Variants in GLB1 observed in about 807,000 individuals in gnomAD.
GLB1 encodes beta-galactosidase.
A neutral mutation model predicts 74.0 loss-of-function variants in GLB1; 56 were observed. The observed-to-expected ratio is 0.76, with a 90% confidence interval of 0.61 to 0.94. The LOEUF (loss-of-function observed/expected upper bound fraction) is 0.94, where lower values mean the gene tolerates loss of function less well. Ranked by LOEUF, GLB1 falls within the 40% of genes least tolerant of loss-of-function variation. The pLI, the probability that GLB1 is intolerant of heterozygous loss-of-function variation, is 0.00. For missense variants in GLB1, 787 were observed against 845.5 expected (o/e 0.93, Z 0.86); for synonymous variants, 323 against 323.6 (o/e 1.00, Z 0.02).
intron 9 of GLB1, among the ~76,000 whole-genome samples, chr3:33,049,450 C>T (rs1027278231): frequency 6.6e-6 from 1 of 152,044 alleles, no homozygotes; most frequent in African/African-American, 2.4e-5. Context: ...AAAGTCTCAC[C>T]CTGTCACCCA....
At chr3:33,072,460 T>C (rs757675882) in intron 2 of GLB1, 84 bp downstream of exon 2, 45 of 1,588,700 alleles carry the variant, frequency 2.8e-5, no homozygotes, top group Non-Finnish European at 3.3e-5. Context: ...AGCAATAAAA[T>C]AGCCACCCTG....
intron 15 of GLB1, among the ~76,000 whole-genome samples, chr3:33,005,483 T>C (rs1696747952): frequency 6.6e-6 from 1 of 152,214 alleles, no homozygotes; most frequent in African/African-American, 2.4e-5. Context: ...TCTATACCTC[T>C]GTCTCTCCAA....
At position 33,016,736 on chromosome 3, in the gene GLB1, G is replaced by C. The variant is rs968221254; in HGVS notation, c.1452C>G (p.Asn484Lys). 15 of 1,614,072 alleles carry C rather than the reference G, an allele frequency of 9.3e-6. No individual in the cohort carries two copies. Among genetic ancestry groups the C allele is most frequent in the African/African-American group, 1.3e-5 (1 of 75,020 alleles). ...TAAAATCGTTGATATATGCACCATA[G>C]TTCACACGTCCCATGTTCTCTACCA... ...DLLVENMGRV[N>K]YGAYINDFKG... Residue 484 changes from asparagine to lysine, a missense_variant, in exon 14 of 16, where the codon AAC becomes AAG. Coordinates refer to ENST00000307363, the MANE Select transcript of GLB1 (RefSeq NM_000404.4).
chr3:33,079,151 A>T (rs145189399), intron 1 of GLB1, among the ~76,000 whole-genome samples: 1 of 152,306 alleles, frequency 6.6e-6, no homozygotes, highest in African/African-American at 2.4e-5. Context: ...ATGGTGGAAG[A>T]AAAAATCAGA....
chr3:33,083,851 A>G (rs1182114282), intron 1 of GLB1, among the ~76,000 whole-genome samples: 1 of 152,202 alleles, frequency 6.6e-6, no homozygotes, highest in Non-Finnish European at 1.5e-5. Context: ...TTTTAAAAAA[A>G]ATTAAACATA....
chr3:33,028,693 T>A (rs1327524851), intron 10 of GLB1, among the ~76,000 whole-genome samples: 1 of 151,492 alleles, frequency 6.6e-6, no homozygotes, highest in East Asian at 1.9e-4. Flanking sequence ...GATACGGAGT[T>A]TCGCTCTTGT....
At chr3:32,968,970 TA>T in the GLB1 span, among the ~76,000 whole-genome samples, 4 of 152,340 alleles carry the variant, frequency 2.6e-5, no homozygotes, top group South Asian at 2.1e-4. Flanking sequence ...ACACTGACTT[TA>T]AAAACTGTGA....
At chr3:32,983,037 A>G in the GLB1 span, among the ~76,000 whole-genome samples, 1 of 152,112 alleles carries the variant, frequency 6.6e-6, no homozygotes. Flanking sequence ...AGATGCTTCT[A>G]TTTGTTGCTG....
the GLB1 span, among the ~76,000 whole-genome samples, chr3:32,986,425 T>C: frequency 6.6e-6 from 1 of 152,166 alleles, no homozygotes; most frequent in Admixed American, 6.5e-5. Flanking sequence ...ATTGGGCAAA[T>C]ACTTCAAAAA....
chr3:32,999,166 G>A (rs944054117), intron 15 of GLB1, among the ~76,000 whole-genome samples: 4 of 152,188 alleles, frequency 2.6e-5, no homozygotes, highest in Non-Finnish European at 4.4e-5. Context: ...GAAAGAGGAC[G>A]ACAGTTTCAC....
At chr3:33,073,414 A>T (rs933798103) in intron 1 of GLB1, among the ~76,000 whole-genome samples, 16 of 152,244 alleles carry the variant, frequency 1.1e-4, no homozygotes, top group Admixed American at 9.8e-4. Context: ...TTGTCCAGGC[A>T]TGATGGCTCA....
the GLB1 span, among the ~76,000 whole-genome samples, chr3:32,983,913 T>A: frequency 6.6e-6 from 1 of 151,784 alleles, no homozygotes; most frequent in East Asian, 1.9e-4. Context: ...TTGAACTCCA[T>A]GGCTGAAGTA....
At chr3:33,045,708 A>C (rs6780220) in intron 10 of GLB1, 184,940 of 1,075,154 alleles carry the variant, frequency 0.17, 17,601 homozygotes, top group East Asian at 0.56. Context: ...CTGCCTTAAT[A>C]GGGGCTATAG....
Position 33,018,475 on chromosome 3 carries a change from G to A in GLB1, c.1320C>T (p.His440=), listed in dbSNP as rs200390675. The part of the protein sequence containing the change: ...APLSSPLNGV[H]DRAYVAVDGI... ...CATCCACAGCAACATATGCTCGATC[G>A]TGGACTCCATTGAGGGGTGAAGAGA... The change falls in exon 13 of 16, where the codon CAC becomes CAT. Residue 440 remains histidine, a synonymous_variant. Coordinates refer to ENST00000307363, the MANE Select transcript of GLB1 (RefSeq NM_000404.4). The A allele has an allele frequency of 1.4e-5, 22 of 1,614,060 alleles. No homozygotes were observed. The highest frequency in any genetic ancestry group is 4.0e-5 in the African/African-American group (3 of 75,000).
At chr3:32,972,268 G>A in the GLB1 span, among the ~76,000 whole-genome samples, 1 of 152,192 alleles carries the variant, frequency 6.6e-6, no homozygotes, top group African/African-American at 2.4e-5. Flanking sequence ...AATGAGGAAT[G>A]TTATATATCA....
the GLB1 span, among the ~76,000 whole-genome samples, chr3:32,984,384 C>G: frequency 1.3e-5 from 2 of 152,210 alleles, no homozygotes; most frequent in Non-Finnish European, 2.9e-5. Context: ...GCTAGAGCCA[C>G]TCAGCTTAAT....
intron 3 of GLB1, 39 bp from the exon 4 acceptor site, chr3:33,068,329 G>T (rs184817230): frequency 6.2e-7 from 1 of 1,613,142 alleles, no homozygotes. Context: ...TGTCTGTTCC[G>T]TGAAGGGTGC....
chr3:32,962,668 A>ACAAT, the GLB1 span, among the ~76,000 whole-genome samples: 2 of 152,050 alleles, frequency 1.3e-5, no homozygotes, highest in African/African-American at 4.8e-5. Flanking sequence ...TTTACAAATA[A>ACAAT]CAATCAGGAG....
chr3:33,090,708 T>C, intron 1 of GLB1: 4 of 985,440 alleles, frequency 4.1e-6, no homozygotes, highest in Middle Eastern at 5.2e-4. Context: ...TGGACAGTGA[T>C]GGAGAAATTT....
Sources: gnomAD v4.1 joint callset for allele counts (sites outside exome capture counted in the v4.1 genomes callset) on GRCh38, gnomAD v4.1.1 for gene constraint, MANE v1.5 for transcripts, NCBI Gene and HGNC (gene_info 2026-07-23, HGNC 2026-07-21) for gene names.